ADAM12: variants seen among roughly 807,000 people sequenced by gnomAD.
ADAM12 encodes ADAM metallopeptidase domain 12.
A neutral mutation model predicts 106.4 loss-of-function variants in ADAM12; 70 were observed. The observed-to-expected ratio is 0.66, with a 90% CI of 0.54 to 0.80. ADAM12 has a LOEUF of 0.80. ADAM12 is among the 30% of genes least tolerant of loss of function. The pLI is 0.00. For missense variants in ADAM12, 1,010 were observed against 1,171.9 expected (o/e 0.86, Z 2.02); for synonymous variants, 420 against 433.5 (o/e 0.97, Z 0.39).
intron 22 of ADAM12, among the ~76,000 whole-genome samples, chr10:126,018,005 A>G (rs1953691656): frequency 1.3e-5 from 2 of 152,264 alleles, no homozygotes; most frequent in Non-Finnish European, 2.9e-5. Flanking sequence ...GCAAACCACA[A>G]TGAAATAATT....
chr10:126,123,275 T>C (rs1056613085), intron 5 of ADAM12, among the ~76,000 whole-genome samples: 2 of 152,214 alleles, frequency 1.3e-5, no homozygotes, highest in Non-Finnish European at 2.9e-5. Flanking sequence ...GATAAGTGAA[T>C]GTAATTTGTT....
At chr10:126,286,318 G>C (rs1015675066) in intron 2 of ADAM12, among the ~76,000 whole-genome samples, 4 of 152,108 alleles carry the variant, frequency 2.6e-5, no homozygotes, top group African/African-American at 9.7e-5. Context: ...CAAAAAGTAA[G>C]ATTTGGGGTC....
In ADAM12 at chr10:126,017,218, A is replaced by G; in HGVS notation, c.*61T>C. ...CCTAAAAGTTGGTACAAAAAACTCC[A>G]ACTGGAGCTGAAAGATAGTGCAAAC... On this transcript the variant is annotated 3_prime_UTR_variant, in exon 23 of 23. Coordinates refer to ENST00000448723, the MANE Select transcript of ADAM12 (RefSeq NM_001288973.2). 2 of 1,444,068 alleles carry G rather than the reference A, an allele frequency of 1.4e-6. No individual in the cohort carries two copies. The highest frequency in any genetic ancestry group is 9.4e-7 in the Non-Finnish European group (1 of 1,066,564). The allele number at this position is 1,444,068 out of a possible 1,614,324, so 89.5% of individuals were successfully genotyped here.
intron 21 of ADAM12, among the ~76,000 whole-genome samples, chr10:126,032,302 C>T (rs1297763145): frequency 6.6e-6 from 1 of 152,188 alleles, no homozygotes; most frequent in Non-Finnish European, 1.5e-5. Flanking sequence ...ATATTCTCCA[C>T]ACCTGCATGG....
intron 3 of ADAM12, among the ~76,000 whole-genome samples, chr10:126,242,957 C>G (rs1958556365): frequency 6.6e-6 from 1 of 152,218 alleles, no homozygotes; most frequent in Non-Finnish European, 1.5e-5. Flanking sequence ...TATGATCTAG[C>G]CAAGGCTGTG....
intron 2 of ADAM12, among the ~76,000 whole-genome samples, chr10:126,314,727 C>G (rs967781737): frequency 6.6e-6 from 1 of 152,152 alleles, no homozygotes; most frequent in Non-Finnish European, 1.5e-5. Flanking sequence ...AGTCAAGCCC[C>G]CAGCATGATA....
At chr10:126,028,012 T>C (rs759273489) in intron 21 of ADAM12, among the ~76,000 whole-genome samples, 2 of 152,194 alleles carry the variant, frequency 1.3e-5, no homozygotes, top group African/African-American at 2.4e-5. Context: ...ATAAAATCAA[T>C]GTGCAAAAAT....
At chr10:126,208,535 T>C (rs1251985859) in intron 3 of ADAM12, among the ~76,000 whole-genome samples, 1 of 152,228 alleles carries the variant, frequency 6.6e-6, no homozygotes, top group African/African-American at 2.4e-5. Context: ...CATAGATTTC[T>C]TAATGAAGTA....
chr10:126,109,942 C>T, intron 6 of ADAM12, 102 bp from the exon 7 acceptor site: 2 of 1,125,270 alleles, frequency 1.8e-6, no homozygotes, highest in Non-Finnish European at 2.5e-6. Context: ...AATGTATATC[C>T]CCCATCCCCG....
At chr10:126,108,102 C>G (rs1357832011) in intron 8 of ADAM12, among the ~76,000 whole-genome samples, 4 of 152,170 alleles carry the variant, frequency 2.6e-5, no homozygotes, top group African/African-American at 9.7e-5. Context: ...GCTGATTTAG[C>G]TGAAAGTCAA....
intron 5 of ADAM12, among the ~76,000 whole-genome samples, chr10:126,130,738 G>T (rs1956289510): frequency 6.6e-6 from 1 of 152,226 alleles, no homozygotes; most frequent in South Asian, 2.1e-4. Context: ...TACAGGGCTG[G>T]CCTGGGAAGA....
intron 3 of ADAM12, among the ~76,000 whole-genome samples, chr10:126,160,890 C>G (rs561127692): frequency 6.6e-6 from 1 of 152,336 alleles, no homozygotes; most frequent in African/African-American, 2.4e-5. Context: ...CTCTGAGGGC[C>G]ATTGCACCTG....
In ADAM12 at chr10:126,015,005, C is replaced by G. The variant is rs1020073868; in HGVS notation, c.*2274G>C. On this transcript the variant is annotated 3_prime_UTR_variant, in exon 23 of 23. Transcript: ENST00000448723. ...CTAAATATGCTTCACTTGATAAATA[C>G]TGCATCTTGGAAGGATTAATACTGT... 6.6e-6 allele frequency: 1 copy of G among 152,150 alleles called. No individual in the cohort carries two copies. Among genetic ancestry groups the G allele is most frequent in the African/African-American group, 2.4e-5 (1 of 41,414 alleles). 9.4% of individuals were successfully genotyped at this position (152,150 alleles called of 1,614,324 possible).
At chr10:126,310,453 C>T (rs1775636652) in intron 2 of ADAM12, among the ~76,000 whole-genome samples, 1 of 152,208 alleles carries the variant, frequency 6.6e-6, no homozygotes, top group South Asian at 2.1e-4. Flanking sequence ...GTAAGAGAAG[C>T]AAGGTATTTA....
At chr10:126,237,013 A>T (rs1202611664) in intron 3 of ADAM12, among the ~76,000 whole-genome samples, 3 of 152,044 alleles carry the variant, frequency 2.0e-5, no homozygotes, top group Non-Finnish European at 1.5e-5. Context: ...ATTCTAAACA[A>T]CATCAGTGAT....
At chr10:126,144,839 A>C (rs1956595980) in intron 4 of ADAM12, among the ~76,000 whole-genome samples, 1 of 152,166 alleles carries the variant, frequency 6.6e-6, no homozygotes, top group Non-Finnish European at 1.5e-5. Flanking sequence ...CACTTCCCCA[A>C]AGCCCCGACT....
At chr10:126,385,369 A>G (rs1030588581) in intron 1 of ADAM12, among the ~76,000 whole-genome samples, 4 of 152,106 alleles carry the variant, frequency 2.6e-5, no homozygotes, top group African/African-American at 7.2e-5. Context: ...AAAAGTCCCA[A>G]CTCTAATCAT....
In ADAM12 at chr10:126,333,356, T is replaced by C. The variant is rs567193000; in HGVS notation, c.89-2847A>G. Reference sequence around the variant, plus strand: ...AATGGGGAGGATGGGATGGTTTCCATGGGTATTCCAGCCACACTACCAAAA... The same window carrying C: ...AATGGGGAGGATGGGATGGTTTCCACGGGTATTCCAGCCACACTACCAAAA... On this transcript the variant is annotated intron_variant, in intron 1 of 22. Transcript: ENST00000448723. 7.9e-5 allele frequency among the ~76,000 whole-genome samples: 12 copies of C among 152,354 alleles called. No individual in the cohort carries two copies. The South Asian group carries it at 2.1e-3, about 26-fold the overall frequency.
chr10:126,342,987 A>T (rs1854987751), intron 1 of ADAM12, among the ~76,000 whole-genome samples: 1 of 152,166 alleles, frequency 6.6e-6, no homozygotes, highest in Non-Finnish European at 1.5e-5. Context: ...GTTTCCCTTC[A>T]TTCAGCAACG....
Sources: gnomAD v4.1 joint callset for allele counts (sites outside exome capture counted in the v4.1 genomes callset) on GRCh38, gnomAD v4.1.1 for gene constraint, MANE v1.5 for transcripts, NCBI Gene and HGNC (gene_info 2026-07-23, HGNC 2026-07-21) for gene names.